PRPF6: variants seen among roughly 807,000 people sequenced by gnomAD.
PRPF6 encodes pre-mRNA processing factor 6.
PRPF6 carries 42 observed loss-of-function variants against 118.3 expected under a neutral mutation model. The observed-to-expected ratio is 0.35, with a 90% CI of 0.28 to 0.46. PRPF6 has a LOEUF of 0.46. Ranked by LOEUF, PRPF6 falls within the 20% of genes least tolerant of loss-of-function variation. The probability of loss-of-function intolerance (pLI) is 1.00; values close to 1 mark genes in which losing one functional copy is unlikely to be tolerated. For missense variants in PRPF6, 662 were observed against 1,255.7 expected (o/e 0.53, Z 7.15); for synonymous variants, 481 against 485.1 (o/e 0.99, Z 0.11).
At chr20:63,982,600 G>C (rs1388412842) in intron 1 of PRPF6, among the ~76,000 whole-genome samples, 1 of 152,234 alleles carries the variant, frequency 6.6e-6, no homozygotes, top group Non-Finnish European at 1.5e-5. Flanking sequence ...GTCTGGGAAG[G>C]AGGGATTTTG....
At chr20:64,023,486 G>T (rs541437637) in intron 13 of PRPF6, among the ~76,000 whole-genome samples, 1 of 152,320 alleles carries the variant, frequency 6.6e-6, no homozygotes, top group South Asian at 2.1e-4. Context: ...CCAGGTCCTC[G>T]GGTGATGCTC....
intron 19 of PRPF6, 100 bp from the exon 20 acceptor site, chr20:64,031,818 C>G: frequency 6.6e-7 from 1 of 1,526,596 alleles, no homozygotes; most frequent in East Asian, 2.3e-5. Flanking sequence ...ACCAGGGCTG[C>G]GGGTCAGGGA....
chr20:63,991,311 A>G (rs2059117532), intron 3 of PRPF6, among the ~76,000 whole-genome samples: 1 of 151,864 alleles, frequency 6.6e-6, no homozygotes, highest in South Asian at 2.1e-4. Flanking sequence ...TTCCAGCTAC[A>G]TTCCCAAGGC....
intron 1 of PRPF6, 129 bp downstream of exon 1, chr20:63,981,445 TGCAGGAA>T: frequency 3.3e-6 from 3 of 905,984 alleles, no homozygotes; most frequent in Non-Finnish European, 5.0e-6. Context: ...GCTTAATCCC[TGCAGGAA>T]GCAACGGGCT....
chr20:64,016,761 C>T lies in PRPF6; in HGVS notation c.1563C>T (p.Thr521=), dbSNP rs1477256105. ...GTGACAGGGCTGGGAGTGTGGCCAC[C>T]TGCCAGGCCGTCATGCGTGCCGTGA... is the stretch of plus-strand genomic sequence containing the variant. ...EECDRAGSVA[T]CQAVMRAVIG... Residue 521 remains threonine, a synonymous_variant, in exon 12 of 21, where the codon ACC becomes ACT. Coordinates refer to ENST00000266079, the MANE Select transcript of PRPF6 (RefSeq NM_012469.4). 1 of 1,614,092 alleles carries T rather than the reference C, an allele frequency of 6.2e-7. No individual in the cohort carries two copies. Among genetic ancestry groups the T allele is most frequent in the Non-Finnish European group, 8.5e-7 (1 of 1,180,004 alleles).
At position 64,029,894 on chromosome 20, in the gene PRPF6, C is replaced by G. The variant is rs2059307724; in HGVS notation, c.2546+403C>G. Among the ~76,000 whole-genome samples, 1 of 150,794 alleles carries G rather than the reference C, an allele frequency of 6.6e-6. No individual in the cohort carries two copies. Among genetic ancestry groups the G allele is most frequent in the African/African-American group, 2.4e-5 (1 of 40,880 alleles). On this transcript the variant is annotated intron_variant, in intron 19 of 20. Transcript: ENST00000266079. This position sits in a 1 kb window ranked among gnomAD's most constrained non-coding sequence, Gnocchi z 4.8. ...GTGATTCACACTGGTGCGCTGGCCG[C>G]CGGGTCAGAGACTCACTGGGGACAC... is the stretch of plus-strand genomic sequence containing the variant.
chr20:63,995,606 C>T, intron 6 of PRPF6, 124 bp downstream of exon 6: 1 of 1,115,884 alleles, frequency 9.0e-7, no homozygotes, highest in Non-Finnish European at 1.3e-6. Context: ...CCTCCTTCTT[C>T]TCCTTCTCCT....
chr20:63,984,014 T>G (rs982545091), intron 2 of PRPF6, among the ~76,000 whole-genome samples: 1 of 152,174 alleles, frequency 6.6e-6, no homozygotes, highest in Non-Finnish European at 1.5e-5. Context: ...TTTTTTAGCT[T>G]TAGTGATTGC....
At position 64,001,233 on chromosome 20, in the gene PRPF6, C is replaced by T; in HGVS notation, c.1180C>T (p.Arg394Trp). ...TDIRAKKRVL[R>W]KALEHVPNSV... ...CATTCGTGCAAAGAAGCGGGTTCTTCGGAAAGGTGAGCCTCCCTCGGAGGT... is the reference window on the plus strand; with the variant it reads ...CATTCGTGCAAAGAAGCGGGTTCTTTGGAAAGGTGAGCCTCCCTCGGAGGT... Residue 394 changes from arginine (R) to tryptophan (W), a missense_variant, in exon 9 of 21, where the codon CGG becomes TGG. Transcript: ENST00000266079. 6.2e-7 allele frequency: 1 copy of T among 1,614,242 alleles called. No individual in the cohort carries two copies. The highest frequency in any genetic ancestry group is 2.2e-5 in the East Asian group (1 of 44,884).
rs374969480 is a variant in PRPF6 at position 64,027,769 on chromosome 20, G to A, written c.2339+33G>A. 2.5e-5 allele frequency: 40 copies of A among 1,612,990 alleles called. No individual in the cohort carries two copies. The highest frequency in any genetic ancestry group is 3.3e-5 in the Non-Finnish European group (39 of 1,179,952). ...CTGGAGGGGGCAGCCTGGCCTCTGG[G>A]CACAGCTTCCCCATCAGGTGGGCCG... On this transcript the variant is annotated intron_variant, in intron 17 of 20. Coordinates refer to ENST00000266079, the MANE Select transcript of PRPF6 (RefSeq NM_012469.4). This position sits in a 1 kb window ranked among gnomAD's most constrained non-coding sequence, Gnocchi z 6.5.
chr20:64,021,426 A>C (rs1386315979), intron 12 of PRPF6, among the ~76,000 whole-genome samples: 1 of 143,754 alleles, frequency 7.0e-6, no homozygotes, highest in East Asian at 2.1e-4. Context: ...GTGTGTGTGC[A>C]CGTATGCATA....
rs188129633 is a variant in PRPF6 at position 64,011,260 on chromosome 20, T to G, written c.1306-25T>G. 1 of 1,611,222 alleles carries G rather than the reference T, an allele frequency of 6.2e-7. No individual in the cohort carries two copies. Among genetic ancestry groups the G allele is most frequent in the East Asian group, 2.2e-5 (1 of 44,854 alleles). On this transcript the variant is annotated intron_variant, in intron 10 of 20. Coordinates refer to ENST00000266079, the MANE Select transcript of PRPF6 (RefSeq NM_012469.4). The surrounding 1 kb of genome is among the most constrained non-coding windows in gnomAD (Gnocchi z 6.7). ...GTCCCCCCAGCACAGTGTCCTCTCC[T>G]TTTTCTCGTGTCCTCTCCGCGTAGC...
In PRPF6 at chr20:64,029,705, C is replaced by T. The variant is rs1472930911; in HGVS notation, c.2546+214C>T. On this transcript the variant is annotated intron_variant, in intron 19 of 20. Coordinates refer to ENST00000266079, the MANE Select transcript of PRPF6 (RefSeq NM_012469.4). This position sits in a 1 kb window ranked among gnomAD's most constrained non-coding sequence, Gnocchi z 4.8. Reference sequence around the variant, plus strand: ...GCCGTGGTCAGAGACTCACTGGGGACGCATGTGATTCACACTGGTGCGCTG... The same window carrying T: ...GCCGTGGTCAGAGACTCACTGGGGATGCATGTGATTCACACTGGTGCGCTG... Among the ~76,000 whole-genome samples, 9 of 112,796 alleles carry T rather than the reference C, an allele frequency of 8.0e-5. No homozygotes were observed. Among genetic ancestry groups the T allele is most frequent in the African/African-American group, 2.4e-4 (9 of 37,260 alleles). The allele number at this position is 112,796 out of a possible 152,430, so 74.0% of individuals were successfully genotyped here.
At chr20:64,025,659 G>C (rs191680761) in intron 14 of PRPF6, among the ~76,000 whole-genome samples, 94 of 152,290 alleles carry the variant, frequency 6.2e-4, no homozygotes, top group African/African-American at 2.0e-3. Flanking sequence ...GGGTAAGATG[G>C]CCCTGCACCT....
chr20:64,019,196 T>TC (rs2059252626), intron 12 of PRPF6, among the ~76,000 whole-genome samples: 1 of 151,344 alleles, frequency 6.6e-6, no homozygotes, highest in East Asian at 1.9e-4. Flanking sequence ...CCTCCCAGGT[T>TC]CAAGGGTTCA....
rs2059118363 is a variant in PRPF6 at position 63,991,469 on chromosome 20, G to A, written c.360-1938G>A. On this transcript the variant is annotated intron_variant, in intron 3 of 20. Transcript: ENST00000266079. ...ACAGCAGGTGACACGGACCCATGAA[G>A]AAAGCCATTAAATTAAATGTTTTTA... Among the ~76,000 whole-genome samples, 3 of 152,170 alleles carry A rather than the reference G, an allele frequency of 2.0e-5. No individual in the cohort carries two copies. The South Asian group carries it at 6.2e-4, about 32-fold the overall frequency.
rs1483288765 is a variant in PRPF6 at position 64,026,551 on chromosome 20, G to A, written c.2029-431G>A. Among the ~76,000 whole-genome samples the A allele has an allele frequency of 6.6e-6, 1 of 151,542 alleles. No homozygotes were observed. The highest frequency in any genetic ancestry group is 1.5e-5 in the Non-Finnish European group (1 of 67,956). ...CATGTTCATACGGCCGGGTGTGGTG[G>A]CTCACGCCTGTAATCCCAGCACTTT... is the stretch of plus-strand genomic sequence containing the variant. On this transcript the variant is annotated intron_variant, in intron 15 of 20. Transcript: ENST00000266079. This position sits in a 1 kb window ranked among gnomAD's most constrained non-coding sequence, Gnocchi z 4.4.
intron 9 of PRPF6, among the ~76,000 whole-genome samples, chr20:64,007,159 C>G (rs996487341): frequency 6.6e-6 from 1 of 152,206 alleles, no homozygotes; most frequent in African/African-American, 2.4e-5. Flanking sequence ...TCCTGGGTGC[C>G]ATTTCCACCC....
intron 11 of PRPF6, among the ~76,000 whole-genome samples, chr20:64,013,100 G>A (rs2123056502): frequency 6.6e-6 from 1 of 152,150 alleles, no homozygotes; most frequent in South Asian, 2.1e-4. Flanking sequence ...GAGTAGCTGG[G>A]ATTACAGGCA....
Sources: gnomAD v4.1 joint callset for allele counts (sites outside exome capture counted in the v4.1 genomes callset) on GRCh38, gnomAD v4.1.1 for gene constraint, Gnocchi (gnomAD v3.1) non-coding constraint, MANE v1.5 for transcripts, NCBI Gene and HGNC (gene_info 2026-07-23, HGNC 2026-07-21) for gene names.